The following KIF21B variants were observed in gnomAD, a reference collection of about 807,000 sequenced individuals.
The protein encoded by KIF21B is kinesin family member 21B, also known as kinesin-like protein KIF21B.
KIF21B carries 85 observed loss-of-function variants against 192.9 expected under a neutral mutation model. That is an observed-to-expected ratio of 0.44 (90% confidence interval 0.37 to 0.53). The LOEUF is 0.53. KIF21B is among the 20% of genes least tolerant of loss of function. The pLI, the probability that KIF21B is intolerant of heterozygous loss-of-function variation, is 0.00. For missense variants in KIF21B, 1,716 were observed against 2,194.8 expected, an observed-to-expected ratio of 0.78 and a Z score of 4.36; for synonymous variants, 832 against 884.6, an observed-to-expected ratio of 0.94 and a Z score of 1.05.
intron 3 of KIF21B, among the ~76,000 whole-genome samples, chr1:201,007,049 G>GAC (rs1213941198): frequency 2.8e-4 from 19 of 68,434 alleles, no homozygotes; most frequent in Non-Finnish European, 4.0e-4. Context: ...GAGACACATA[G>GAC]ACACACACAC....
intron 7 of KIF21B, 61 bp from the exon 8 acceptor site, chr1:201,003,842 C>T (rs1558020002): frequency 6.4e-7 from 1 of 1,561,070 alleles, no homozygotes; most frequent in Non-Finnish European, 8.8e-7. Context: ...AGAAGCATTG[C>T]CTCAGGGTAG....
chr1:200,988,552 A>AGGG lies in KIF21B; in HGVS notation c.3299-11_3299-9dup. On this transcript the variant is annotated splice_polypyrimidine_tract_variant and intron_variant, in intron 22 of 34. Coordinates refer to ENST00000461742, the MANE Select transcript of KIF21B (RefSeq NM_001252102.2). ...TGCTGGCGTAGCCATTCTCTGTGGGAGGGCGGGAGGGAGGGAAAGGGGTTG... is the reference window on the plus strand; with the variant it reads ...TGCTGGCGTAGCCATTCTCTGTGGGAGGGGGGCGGGAGGGAGGGAAAGGGGTTG... 3.6e-6 allele frequency: 1 copy of AGGG among 276,468 alleles called. No individual in the cohort carries two copies. The highest frequency in any genetic ancestry group is 6.6e-6 in the Non-Finnish European group (1 of 151,754). 17.1% of individuals were successfully genotyped at this position (276,468 alleles called of 1,614,324 possible).
chr1:201,015,209 A>C (rs777688677), intron 1 of KIF21B, among the ~76,000 whole-genome samples: 2 of 152,238 alleles, frequency 1.3e-5, no homozygotes, highest in Non-Finnish European at 2.9e-5. Context: ...CTGAAGATTC[A>C]ATCCAGGGGA....
rs1164896828 is a variant in KIF21B, at chr1:200,973,506, C to T, written c.*15G>A. ...CTGGGGTCGAGGGTCCGGGGGCATC[C>T]CTCTGACCTCACTCCTAGGGTGGGC... On this transcript the variant is annotated 3_prime_UTR_variant, in exon 35 of 35. Transcript: ENST00000461742. The T allele has an allele frequency of 1.4e-6, 2 of 1,456,714 alleles. No individual in the cohort carries two copies. Among genetic ancestry groups the T allele is most frequent in the South Asian group, 1.4e-5 (1 of 71,256 alleles). The allele number at this position is 1,456,714 out of a possible 1,614,324, so 90.2% of individuals were successfully genotyped here.
rs1655451546 is a variant in KIF21B at position 200,975,014 on chromosome 1, C to T, written c.4615-101G>A. 1.6e-6 allele frequency: 2 copies of T among 1,239,112 alleles called. No homozygotes were observed. The highest frequency in any genetic ancestry group is 2.7e-4 in the Middle Eastern group (1 of 3,638). The allele number at this position is 1,239,112 out of a possible 1,614,324, so 76.8% of individuals were successfully genotyped here. A position where few individuals can be genotyped will look rare whatever the true frequency, so the allele number is the denominator to read the frequency against. On this transcript the variant is annotated intron_variant, in intron 33 of 34. Transcript: ENST00000461742. The surrounding 1 kb of genome is among the most constrained non-coding windows in gnomAD (Gnocchi z 4.3). ...AGTAGTGGAGCTACTTCCAGGCTCC[C>T]CTGGCCTCTAGAGCTGCCACACGGG...
Position 200,970,748 on chromosome 1 carries a change from C to T in KIF21B, c.*2773G>A, listed in dbSNP as rs1655172140. ...TCCAAGCTCTTCAGGCTCACTAGGG[C>T]TAGGACTCAGCCTGAACTCAGGCGT... is the stretch of plus-strand genomic sequence containing the variant. On this transcript the variant is annotated 3_prime_UTR_variant, in exon 35 of 35. Coordinates refer to ENST00000461742, the MANE Select transcript of KIF21B (RefSeq NM_001252102.2). The T allele has an allele frequency of 6.6e-6, 1 of 152,438 alleles. No homozygotes were observed. Among genetic ancestry groups the T allele is most frequent in the African/African-American group, 2.4e-5 (1 of 41,486 alleles). The allele number at this position is 152,438 out of a possible 1,614,324, so 9.4% of individuals were successfully genotyped here.
chr1:200,978,461 GCA>G (rs756845362), intron 30 of KIF21B, among the ~76,000 whole-genome samples: 86 of 151,712 alleles, frequency 5.7e-4, no homozygotes, highest in African/African-American at 1.8e-3. Context: ...TCCCACACAG[GCA>G]CAGTCTCCCC....
intron 15 of KIF21B, among the ~76,000 whole-genome samples, chr1:200,993,734 A>G (rs12118278): frequency 0.25 from 38,147 of 150,290 alleles, 5,792 homozygotes; most frequent in African/African-American, 0.42. Context: ...AGGGCAACAG[A>G]GCAAGACTCT....
chr1:200,998,387 G>A lies in KIF21B; in HGVS notation c.2074C>T (p.Leu692Phe), dbSNP rs1657211700. ...AGGGGCATGGCGGTGGCCTCACTGA[G>A]GTTCTGCAGCACACGGTCGCGCTCC... ...QLERDRVLQN[L>F]STMECYTEEK... is the part of the protein sequence containing the mutation. The change falls in exon 14 of 35, where the codon CTC becomes TTC. Residue 692 changes from leucine to phenylalanine, a missense_variant. Around this residue, in one of 3 missense-constraint regions of KIF21B, gnomAD observed 1,087 missense variants for 1,316.6 expected, o/e 0.83. Transcript: ENST00000461742. This position sits in a 1 kb window ranked among gnomAD's most constrained non-coding sequence, Gnocchi z 4.3. 5 of 1,610,790 alleles carry A rather than the reference G, an allele frequency of 3.1e-6. No homozygotes were observed. The East Asian group carries it at 1.1e-4, about 36-fold the overall frequency.
intron 30 of KIF21B, 61 bp downstream of exon 30, chr1:200,979,474 C>T: frequency 1.5e-6 from 2 of 1,350,436 alleles, no homozygotes; most frequent in Non-Finnish European, 2.0e-6. Context: ...GGGCTGGGAG[C>T]ATCTGTACCC....
chr1:201,002,019 A>G (rs1657525000), intron 9 of KIF21B, 142 bp downstream of exon 9: 1 of 683,636 alleles, frequency 1.5e-6, no homozygotes, highest in South Asian at 1.8e-5. Flanking sequence ...ATGTTTTAAA[A>G]TCAAGTGAAA....
In KIF21B at chr1:200,969,421, C is replaced by A. The variant is rs1655112038; in HGVS notation, c.*4100G>T. On this transcript the variant is annotated 3_prime_UTR_variant, in exon 35 of 35. Transcript: ENST00000461742. ...ATTCAGGTTTTATTTATGACAACTT[C>A]TTAGAACACACACATCCAATCTAGG... is the stretch of plus-strand genomic sequence containing the variant. The A allele has an allele frequency of 6.5e-6, 1 of 152,748 alleles. No homozygotes were observed. Among genetic ancestry groups the A allele is most frequent in the African/African-American group, 2.4e-5 (1 of 41,444 alleles). 9.5% of individuals were successfully genotyped at this position (152,748 alleles called of 1,614,324 possible). A position where few individuals can be genotyped will look rare whatever the true frequency, so the allele number is the denominator to read the frequency against.
Position 201,005,650 on chromosome 1 carries a change from G to C in KIF21B, c.492C>G (p.Asp164Glu). The C allele has an allele frequency of 6.2e-7, 1 of 1,614,176 alleles. No individual in the cohort carries two copies. Among genetic ancestry groups the C allele is most frequent in the South Asian group, 1.1e-5 (1 of 91,084 alleles). ...TGGACCTGCGGTGGCGGGTGTCAGGGTCACGGGTGCTGTCAAACAGGTCAA... is the reference window on the plus strand; with the variant it reads ...TGGACCTGCGGTGGCGGGTGTCAGGCTCACGGGTGCTGTCAAACAGGTCAA... ...EILDLFDSTR[D>E]PDTRHRRSNI... The change falls in exon 4 of 35, where the codon GAC becomes GAG. Residue 164 changes from aspartate (D) to glutamate (E), a missense_variant. Physicochemically the swap from Asp to Glu is conservative, Grantham distance 45. This residue lies in a region of KIF21B where 1,087 missense variants were observed against 1,316.6 expected (regional missense o/e 0.83). Transcript: ENST00000461742.
rs140589352 is a variant in KIF21B at position 201,008,899 on chromosome 1, G to A, written c.317C>T (p.Ser106Leu). The A allele has an allele frequency of 0.018, 29,716 of 1,611,842 alleles. 282 individuals are homozygous for A. Among genetic ancestry groups the A allele is most frequent in the South Asian group, 0.022 (2,004 of 91,088 alleles). Residue 106 changes from serine (S) to leucine (L), a missense_variant, in exon 3 of 35, where the codon TCG becomes TTG. Physicochemically the swap from Ser to Leu is moderately radical, Grantham distance 145. This residue lies in a region of KIF21B where 1,087 missense variants were observed against 1,316.6 expected (regional missense o/e 0.83). Transcript: ENST00000461742. ...TMGTGFDMATSEEEQGIIPRA... is the reference protein window; with the variant it reads ...TMGTGFDMATLEEEQGIIPRA... ...CGGGATGATGCCCTGCTCCTCCTCC[G>A]ACGTTGCCATGTCAAAGCCAGTGCC...
chr1:201,006,170 G>T (rs1213571317), intron 3 of KIF21B, among the ~76,000 whole-genome samples: 1 of 152,266 alleles, frequency 6.6e-6, no homozygotes, highest in African/African-American at 2.4e-5. Context: ...TCTCGAAGGG[G>T]AGGAACACGC....
intron 14 of KIF21B, among the ~76,000 whole-genome samples, chr1:200,997,816 A>G (rs973753209): frequency 2.6e-5 from 4 of 152,150 alleles, no homozygotes; most frequent in Non-Finnish European, 5.9e-5. Flanking sequence ...TCCTGGCTAT[A>G]CTTATCACCA....
intron 34 of KIF21B, chr1:200,973,898 A>G (rs1162883672): frequency 7.4e-6 from 11 of 1,481,270 alleles, no homozygotes; most frequent in Non-Finnish European, 8.9e-6. Context: ...CCCACTGTTC[A>G]TGCTTGGAAA....
chr1:200,988,424 G>A (rs1558006025), intron 23 of KIF21B, 69 bp downstream of exon 23: 1 of 1,610,716 alleles, frequency 6.2e-7, no homozygotes, highest in South Asian at 1.1e-5. Context: ...TGGGACCTAT[G>A]GCAACTCCTC....
intron 8 of KIF21B, 50 bp from the exon 9 acceptor site, chr1:201,002,400 G>T (rs41269929): frequency 0.14 from 213,042 of 1,551,502 alleles, 17,577 homozygotes; most frequent in African/African-American, 0.39. Context: ...CTCGCGGTTG[G>T]GGGGGTAAGG....
Sources: gnomAD v4.1 joint callset for allele counts (sites outside exome capture counted in the v4.1 genomes callset) on GRCh38, gnomAD v4.1.1 for gene constraint, gnomAD v4.1.1 regional missense constraint, Gnocchi (gnomAD v3.1) non-coding constraint, MANE v1.5 for transcripts, NCBI Gene and HGNC (gene_info 2026-07-23, HGNC 2026-07-21) for gene names.